TENM3: variants seen among roughly 807,000 people sequenced by gnomAD.
TENM3 encodes the protein teneurin transmembrane protein 3.
TENM3 carries 63 observed loss-of-function variants against 255.1 expected under a neutral mutation model. The observed-to-expected ratio is 0.25, with a 90% CI of 0.20 to 0.30. The LOEUF is 0.30. Ranked by LOEUF, TENM3 falls within the 10% of genes least tolerant of loss-of-function variation. The probability of loss-of-function intolerance (pLI) is 1.00; values close to 1 mark genes in which losing one functional copy is unlikely to be tolerated. For synonymous variants in TENM3, 1,306 were observed against 1,322.3 expected, an observed-to-expected ratio of 0.99 and a Z score of 0.27; for missense variants, 2,929 against 3,461.1, an observed-to-expected ratio of 0.85 and a Z score of 3.86.
At chr4:182,776,446 C>A (rs942006542) in intron 24 of TENM3, among the ~76,000 whole-genome samples, 28 of 152,070 alleles carry the variant, frequency 1.8e-4, no homozygotes, top group African/African-American at 6.5e-4. Flanking sequence ...TTATATATTC[C>A]CTGACCCTAA....
chr4:181,697,966 G>A, the TENM3 span, among the ~76,000 whole-genome samples: 2 of 151,974 alleles, frequency 1.3e-5, no homozygotes, highest in African/African-American at 4.8e-5. Flanking sequence ...TGTAATCCTA[G>A]CACTTTGGGA....
chr4:182,561,585 T>C (rs548902270), intron 3 of TENM3, among the ~76,000 whole-genome samples: 4 of 152,172 alleles, frequency 2.6e-5, no homozygotes, highest in Non-Finnish European at 5.9e-5. Context: ...AGTGTAATAT[T>C]TTATGATGAA....
At chr4:182,332,830 A>C (rs934342535) in intron 2 of TENM3, among the ~76,000 whole-genome samples, 1 of 152,190 alleles carries the variant, frequency 6.6e-6, no homozygotes, top group African/African-American at 2.4e-5. Context: ...TAAGTCTTTA[A>C]AAAGGCTAGT....
chr4:181,841,994 G>A, the TENM3 span, among the ~76,000 whole-genome samples: 1 of 151,978 alleles, frequency 6.6e-6, no homozygotes, highest in South Asian at 2.1e-4. Context: ...CTATATATGT[G>A]GATTCTCTTC....
intron 3 of TENM3, among the ~76,000 whole-genome samples, chr4:182,353,480 A>G (rs995562267): frequency 8.5e-5 from 13 of 152,326 alleles, no homozygotes; most frequent in African/African-American, 3.1e-4. Context: ...CAGGCTCAGA[A>G]TTAAAGTGCT....
the TENM3 span, among the ~76,000 whole-genome samples, chr4:181,708,508 G>T: frequency 5.9e-3 from 892 of 151,952 alleles, 2 homozygotes; most frequent in Non-Finnish European, 0.01. Context: ...TTTGGGTTTG[G>T]GTTTCTGGGG....
the TENM3 span, among the ~76,000 whole-genome samples, chr4:181,537,386 G>T: frequency 8.1e-4 from 123 of 152,252 alleles, no homozygotes; most frequent in Non-Finnish European, 1.6e-3. Flanking sequence ...GGCTAGCAGG[G>T]ACGAAATTAA....
the TENM3 span, among the ~76,000 whole-genome samples, chr4:181,574,466 G>A: frequency 2.0e-5 from 3 of 151,714 alleles, no homozygotes; most frequent in African/African-American, 7.3e-5. Context: ...GGGAGGCGGA[G>A]CTTGCAGTGA....
chr4:181,519,671 G>A, the TENM3 span, among the ~76,000 whole-genome samples: 1 of 152,130 alleles, frequency 6.6e-6, no homozygotes, highest in Non-Finnish European at 1.5e-5. Flanking sequence ...TTTTTATTTA[G>A]TGTTAGATCA....
chr4:182,440,769 C>A (rs1442614501), intron 3 of TENM3, among the ~76,000 whole-genome samples: 1 of 151,414 alleles, frequency 6.6e-6, no homozygotes. Context: ...CTGCTCCTCA[C>A]TTCTGCGGAA....
chr4:181,568,000 A>G, the TENM3 span, among the ~76,000 whole-genome samples: 2 of 152,136 alleles, frequency 1.3e-5, no homozygotes, highest in African/African-American at 4.8e-5. Flanking sequence ...AAAAAATCAT[A>G]TATTACATCA....
chr4:181,833,033 C>G, the TENM3 span, among the ~76,000 whole-genome samples: 4 of 152,190 alleles, frequency 2.6e-5, no homozygotes, highest in African/African-American at 9.6e-5. Flanking sequence ...AAAACAAACT[C>G]AGTAACATAT....
chr4:181,858,460 G>A, the TENM3 span, among the ~76,000 whole-genome samples: 75 of 152,284 alleles, frequency 4.9e-4, no homozygotes, highest in African/African-American at 1.6e-3. Context: ...AGTAGCCATC[G>A]TTATATCAAC....
chr4:182,350,975 G>A (rs988289295), intron 3 of TENM3, among the ~76,000 whole-genome samples: 11 of 152,250 alleles, frequency 7.2e-5, no homozygotes, highest in African/African-American at 2.4e-4. Flanking sequence ...GAGCCACCGC[G>A]CCCGGCCACT....
the TENM3 span, among the ~76,000 whole-genome samples, chr4:181,688,493 A>G: frequency 1.5e-5 from 2 of 136,374 alleles, no homozygotes; most frequent in Non-Finnish European, 3.1e-5. Context: ...GTCTGTGGTT[A>G]AAACATTTTT....
At chr4:182,233,829 C>T (rs537362833) in intron 1 of TENM3, among the ~76,000 whole-genome samples, 26 of 152,244 alleles carry the variant, frequency 1.7e-4, no homozygotes, top group Non-Finnish European at 2.9e-4. Context: ...GAGGAAACTG[C>T]AGATATGCAA....
the TENM3 span, among the ~76,000 whole-genome samples, chr4:182,092,104 C>A: frequency 6.6e-6 from 1 of 152,104 alleles, no homozygotes; most frequent in Non-Finnish European, 1.5e-5. Context: ...CTTTGGGAGG[C>A]CAAGGCGGGT....
chr4:181,755,936 G>C, the TENM3 span, among the ~76,000 whole-genome samples: 1 of 152,082 alleles, frequency 6.6e-6, no homozygotes, highest in Non-Finnish European at 1.5e-5. Flanking sequence ...AGGAGGCTAA[G>C]TATGTGATCT....
At chr4:182,698,061 G>A (rs1255485326) in intron 12 of TENM3, 3 of 152,032 alleles carry the variant, frequency 2.0e-5, no homozygotes, top group Non-Finnish European at 4.4e-5. Context: ...CCGCTTCCTT[G>A]CAGCCAGCAT....
Sources: allele counts gnomAD v4.1 joint callset (sites outside exome capture counted in the v4.1 genomes callset), GRCh38; gene constraint gnomAD v4.1.1; transcripts MANE v1.5; gene names NCBI Gene and HGNC (gene_info 2026-07-23, HGNC 2026-07-21).